SGCG: variants seen among roughly 807,000 people sequenced by gnomAD.
SGCG encodes the protein sarcoglycan gamma.
Under a neutral mutation model 29.3 loss-of-function variants are expected in SGCG, and 26 were observed. The ratio of observed to expected loss-of-function variants is 0.89; its 90% CI spans 0.65 to 1.23. SGCG has a LOEUF of 1.23. Among genes scored for constraint, SGCG ranks in the 50% most tolerant of loss-of-function variants. SGCG has a pLI of 0.00. For synonymous variants in SGCG, 145 were observed against 129.7 expected (o/e 1.12, Z -0.80); for missense variants, 353 against 356.0 (o/e 0.99, Z 0.07).
At chr13:23,245,650 A>G (rs1879680729) in intron 3 of SGCG, 1 of 152,230 alleles carries the variant, frequency 6.6e-6, no homozygotes, top group African/African-American at 2.4e-5. Context: ...AGAGTCATTT[A>G]TGAAAAAAGC....
At chr13:23,297,552 C>T (rs569782212) in intron 6 of SGCG, among the ~76,000 whole-genome samples, 3 of 152,330 alleles carry the variant, frequency 2.0e-5, no homozygotes, top group East Asian at 1.9e-4. Context: ...GGAGCATGTC[C>T]TTAAGGCACA....
intron 3 of SGCG, among the ~76,000 whole-genome samples, chr13:23,235,333 T>C (rs1004266541): frequency 6.7e-6 from 1 of 150,182 alleles, no homozygotes; most frequent in African/African-American, 2.5e-5. Flanking sequence ...CATTCCAGCC[T>C]GGGCAACAAG....
At chr13:23,246,793 G>A (rs539053253) in intron 3 of SGCG, 37 of 205,170 alleles carry the variant, frequency 1.8e-4, no homozygotes, top group Non-Finnish European at 3.4e-4. Flanking sequence ...ATCCACTGCC[G>A]AGAAGCCGAT....
chr13:23,266,580 T>G (rs1880649479), intron 4 of SGCG, among the ~76,000 whole-genome samples: 1 of 152,048 alleles, frequency 6.6e-6, no homozygotes, highest in Non-Finnish European at 1.5e-5. Flanking sequence ...GGGTGAGAGA[T>G]GAAAAACTAC....
rs397948582 is a variant in SGCG, at chr13:23,320,614, T to TG, written c.579-22dup. Reference sequence around the variant, plus strand: ...TTTTAATACTTTTTTTTTTTTTTTTTGTGCTTCTTTTCCTCATCTCAGATT... The same window carrying TG: ...TTTTAATACTTTTTTTTTTTTTTTTTGGTGCTTCTTTTCCTCATCTCAGATT... On this transcript the variant is annotated intron_variant, in intron 6 of 7. Coordinates refer to ENST00000218867, the MANE Select transcript of SGCG (RefSeq NM_000231.3). The TG allele has an allele frequency of 9.7e-4, 1,322 of 1,363,488 alleles. 8 individuals are homozygous for TG. In the African/African-American group the frequency reaches 0.017, roughly 18 times the overall value. The allele number at this position is 1,363,488 out of a possible 1,614,324, so 84.5% of individuals were successfully genotyped here.
intron 5 of SGCG, among the ~76,000 whole-genome samples, chr13:23,281,306 C>A (rs144155576): frequency 6.6e-6 from 1 of 151,706 alleles, no homozygotes; most frequent in East Asian, 1.9e-4. Context: ...AGCCACTGCA[C>A]TCCAGCCTGG....
At chr13:23,282,089 A>G (rs1310768180) in intron 5 of SGCG, among the ~76,000 whole-genome samples, 1 of 152,214 alleles carries the variant, frequency 6.6e-6, no homozygotes, top group East Asian at 1.9e-4. Flanking sequence ...TTGGTGTTGC[A>G]AACATTTCTA....
intron 3 of SGCG, among the ~76,000 whole-genome samples, chr13:23,236,753 T>C (rs1879331942): frequency 6.6e-6 from 1 of 152,028 alleles, no homozygotes; most frequent in Admixed American, 6.6e-5. Context: ...AGTATGCTTT[T>C]AAAAAAAGCA....
At position 23,234,665 on chromosome 13, in the gene SGCG, T is replaced by C. The variant is rs1566011041; in HGVS notation, c.250T>C (p.Ser84Pro). ...TKDGLRLEGE[S>P]EFLFPLYAKE... ...AGATGGACTGCGCTTGGAAGGGGAATCAGAATTTTTATTCCCATTGTATGC... is the reference window on the plus strand; with the variant it reads ...AGATGGACTGCGCTTGGAAGGGGAACCAGAATTTTTATTCCCATTGTATGC... The change falls in exon 3 of 8, where the codon TCA (serine) becomes CCA (proline). Residue 84 changes from serine to proline, a missense_variant. Physicochemically the swap from Ser to Pro is moderately conservative, Grantham distance 74. Coordinates refer to ENST00000218867, the MANE Select transcript of SGCG (RefSeq NM_000231.3). 1 of 1,612,746 alleles carries C rather than the reference T, an allele frequency of 6.2e-7. No homozygotes were observed. The highest frequency in any genetic ancestry group is 2.2e-5 in the East Asian group (1 of 44,788).
chr13:23,271,585 G>C (rs1252880963), intron 4 of SGCG, among the ~76,000 whole-genome samples: 2 of 152,186 alleles, frequency 1.3e-5, no homozygotes, highest in African/African-American at 2.4e-5. Context: ...TTTAATTATA[G>C]AGACTTCATG....
At chr13:23,310,078 C>CTTTTTTTTTTT (rs144258130) in intron 6 of SGCG, among the ~76,000 whole-genome samples, 5 of 60,764 alleles carry the variant, frequency 8.2e-5, no homozygotes, top group African/African-American at 1.4e-4. Flanking sequence ...TTGTTTTTCT[C>CTTTTTTTTTTT]TTTTTTTTTT....
intron 4 of SGCG, among the ~76,000 whole-genome samples, chr13:23,257,807 G>A (rs191389269): frequency 3.7e-4 from 57 of 152,024 alleles, no homozygotes; most frequent in Admixed American, 3.1e-3. Context: ...ATAGGGAATC[G>A]TTTCCCCATT....
chr13:23,169,734 A>G, the SGCG span: 4 of 134,952 alleles, frequency 3.0e-5, no homozygotes, highest in African/African-American at 1.1e-4. Flanking sequence ...ACACACACAC[A>G]CACACACACA....
chr13:23,305,345 G>A (rs1184036950), intron 6 of SGCG, among the ~76,000 whole-genome samples: 4 of 152,180 alleles, frequency 2.6e-5, no homozygotes, highest in Non-Finnish European at 5.9e-5. Flanking sequence ...TTTTAGATAT[G>A]AAGGCTATTG....
chr13:23,166,016 T>C, the SGCG span, among the ~76,000 whole-genome samples: 1 of 152,210 alleles, frequency 6.6e-6, no homozygotes, highest in Middle Eastern at 3.2e-3. Context: ...CTTTCTAATC[T>C]ATGTGCCTTT....
At chr13:23,260,921 G>A (rs1303290342) in intron 4 of SGCG, among the ~76,000 whole-genome samples, 1 of 152,126 alleles carries the variant, frequency 6.6e-6, no homozygotes, top group African/African-American at 2.4e-5. Context: ...AGTCTTATGG[G>A]ATTCCCTTTG....
intron 2 of SGCG, among the ~76,000 whole-genome samples, chr13:23,227,052 G>A (rs897462375): frequency 6.6e-6 from 1 of 152,052 alleles, no homozygotes; most frequent in African/African-American, 2.4e-5. Context: ...TGTAGAAAAA[G>A]AAAATGGAGG....
At chr13:23,272,999 A>T (rs1880925955) in intron 4 of SGCG, among the ~76,000 whole-genome samples, 1 of 152,110 alleles carries the variant, frequency 6.6e-6, no homozygotes, top group Non-Finnish European at 1.5e-5. Flanking sequence ...CATTTTTATC[A>T]ACTTAGCTAG....
At chr13:23,247,345 C>T (rs1046327368) in intron 3 of SGCG, among the ~76,000 whole-genome samples, 9 of 152,252 alleles carry the variant, frequency 5.9e-5, no homozygotes, top group Admixed American at 2.6e-4. Context: ...AAAACCTTTT[C>T]GTAAGACTTC....
Sources: allele counts gnomAD v4.1 joint callset (sites outside exome capture counted in the v4.1 genomes callset), GRCh38; gene constraint gnomAD v4.1.1; transcripts MANE v1.5; gene names NCBI Gene and HGNC (gene_info 2026-07-23, HGNC 2026-07-21).